Variants in SLC9C2 observed in about 807,000 individuals in gnomAD.
SLC9C2 encodes the protein solute carrier family 9 member C2 (putative).
SLC9C2 carries 75 observed loss-of-function variants against 140.2 expected under a neutral mutation model. The observed-to-expected ratio is 0.53, with a 90% CI of 0.44 to 0.65. SLC9C2 has a LOEUF of 0.65. Ranked by LOEUF, SLC9C2 falls within the 30% of genes least tolerant of loss-of-function variation. The probability of loss-of-function intolerance (pLI) is 0.00; values close to 1 mark genes in which losing one functional copy is unlikely to be tolerated. For synonymous variants in SLC9C2, 375 were observed against 420.9 expected, an observed-to-expected ratio of 0.89 and a Z score of 1.34; for missense variants, 1,074 against 1,331.8, an observed-to-expected ratio of 0.81 and a Z score of 3.01.
chr1:173,592,216 AT>A (rs1291556022), intron 4 of SLC9C2, among the ~76,000 whole-genome samples: 1 of 152,028 alleles, frequency 6.6e-6, no homozygotes, highest in African/African-American at 2.4e-5. Flanking sequence ...ATTCTGTTCC[AT>A]TGGTCTATGT....
chr1:173,568,297 G>A (rs1480022330), intron 9 of SLC9C2, among the ~76,000 whole-genome samples: 1 of 152,024 alleles, frequency 6.6e-6, no homozygotes, highest in Non-Finnish European at 1.5e-5. Context: ...CCCACCTCAA[G>A]TAGATCTCAG....
chr1:173,548,274 C>G, intron 12 of SLC9C2, 115 bp downstream of exon 12: 1 of 1,020,016 alleles, frequency 9.8e-7, no homozygotes, highest in Non-Finnish European at 1.4e-6. Context: ...TAACTATCTC[C>G]CCTCAGTTTT....
At chr1:173,562,841 T>G (rs1306346278) in intron 9 of SLC9C2, among the ~76,000 whole-genome samples, 1 of 152,160 alleles carries the variant, frequency 6.6e-6, no homozygotes, top group Non-Finnish European at 1.5e-5. Flanking sequence ...CTAAGAATGT[T>G]GTAGAGATCA....
At chr1:173,554,202 A>G (rs1254944527) in intron 11 of SLC9C2, among the ~76,000 whole-genome samples, 4 of 152,192 alleles carry the variant, frequency 2.6e-5, no homozygotes, top group Admixed American at 1.3e-4. Flanking sequence ...CGGAAAGATG[A>G]TATTTCGCAG....
chr1:173,575,453 A>C (rs1031000710), intron 8 of SLC9C2, among the ~76,000 whole-genome samples: 3 of 152,188 alleles, frequency 2.0e-5, no homozygotes, highest in Admixed American at 6.5e-5. Context: ...CACCAAGTAG[A>C]TGTTCTATGA....
intron 15 of SLC9C2, among the ~76,000 whole-genome samples, chr1:173,535,305 G>A (rs952975358): frequency 6.6e-6 from 1 of 152,110 alleles, no homozygotes; most frequent in African/African-American, 2.4e-5. Flanking sequence ...ATGTCTCTCT[G>A]CTCTAAAAAG....
intron 9 of SLC9C2, among the ~76,000 whole-genome samples, chr1:173,562,811 T>G (rs752043524): frequency 1.3e-5 from 2 of 152,210 alleles, no homozygotes; most frequent in Non-Finnish European, 2.9e-5. Flanking sequence ...CAAATATATA[T>G]AAAAATTTTA....
chr1:173,601,624 G>T (rs1442144189), intron 2 of SLC9C2, 26 bp downstream of exon 2: 1 of 1,610,622 alleles, frequency 6.2e-7, no homozygotes, highest in Non-Finnish European at 8.5e-7. Context: ...GCAGAGGAAA[G>T]ATGAGTTTCA....
intron 23 of SLC9C2, among the ~76,000 whole-genome samples, chr1:173,511,593 C>T (rs542909532): frequency 6.6e-6 from 1 of 152,070 alleles, no homozygotes; most frequent in African/African-American, 2.4e-5. Context: ...TAACTTTCTC[C>T]CATTCTGTAG....
intron 27 of SLC9C2, among the ~76,000 whole-genome samples, chr1:173,501,770 G>A (rs1192082191): frequency 6.6e-6 from 1 of 152,028 alleles, no homozygotes; most frequent in African/African-American, 2.4e-5. Flanking sequence ...AGGAGAGGAA[G>A]GCCCTAGGAG....
intron 18 of SLC9C2, among the ~76,000 whole-genome samples, chr1:173,527,998 C>T (rs2101973612): frequency 6.6e-6 from 1 of 152,244 alleles, no homozygotes; most frequent in South Asian, 2.1e-4. Flanking sequence ...TATCCTAGCC[C>T]AGCCCTGCTT....
At chr1:173,563,004 C>T (rs964897343) in intron 9 of SLC9C2, among the ~76,000 whole-genome samples, 2 of 151,744 alleles carry the variant, frequency 1.3e-5, no homozygotes, top group East Asian at 1.9e-4. Flanking sequence ...GGTGCCTCCC[C>T]TGGTGGAGGC....
At chr1:173,558,125 C>T (rs1663835623) in intron 9 of SLC9C2, among the ~76,000 whole-genome samples, 1 of 151,944 alleles carries the variant, frequency 6.6e-6, no homozygotes, top group South Asian at 2.1e-4. Context: ...TGATTTAGAA[C>T]AAATGAAATT....
intron 4 of SLC9C2, among the ~76,000 whole-genome samples, chr1:173,594,806 A>G (rs1164681891): frequency 2.6e-5 from 4 of 152,242 alleles, no homozygotes; most frequent in African/African-American, 9.6e-5. Context: ...GTATGAAACC[A>G]GTAAGAATTG....
At chr1:173,542,057 A>G (rs1036997513) in intron 13 of SLC9C2, among the ~76,000 whole-genome samples, 6 of 152,194 alleles carry the variant, frequency 3.9e-5, no homozygotes, top group Non-Finnish European at 7.3e-5. Context: ...TCAAAAAATC[A>G]ATGAATCCAG....
chr1:173,512,124 T>G (rs1053249904), intron 23 of SLC9C2, among the ~76,000 whole-genome samples: 1 of 152,226 alleles, frequency 6.6e-6, no homozygotes. Context: ...ACGATTGTCT[T>G]GTCTATGTGG....
At chr1:173,591,500 A>G (rs1041894837) in intron 4 of SLC9C2, among the ~76,000 whole-genome samples, 1 of 152,202 alleles carries the variant, frequency 6.6e-6, no homozygotes, top group Non-Finnish European at 1.5e-5. Context: ...CCAAGATTGT[A>G]TAAGTATTCC....
intron 18 of SLC9C2, among the ~76,000 whole-genome samples, chr1:173,529,536 TCTTCA>T (rs1455614102): frequency 1.3e-5 from 2 of 151,814 alleles, no homozygotes; most frequent in Non-Finnish European, 2.9e-5. Flanking sequence ...CCTCTCTTCC[TCTTCA>T]CTTAAGACTT....
chr1:173,543,074 T>A (rs12408990), intron 13 of SLC9C2, among the ~76,000 whole-genome samples: 54,111 of 151,994 alleles, frequency 0.36, 12,099 homozygotes, highest in East Asian at 0.64. Context: ...AAATTGTCCC[T>A]GTTTGCAGAT....
Sources: gnomAD v4.1 joint callset for allele counts (sites outside exome capture counted in the v4.1 genomes callset) on GRCh38, gnomAD v4.1.1 for gene constraint, MANE v1.5 for transcripts, NCBI Gene and HGNC (gene_info 2026-07-23, HGNC 2026-07-21) for gene names.